Variants in RGS5 observed in about 807,000 individuals in gnomAD.
The protein encoded by RGS5 is regulator of G-protein signalling 5.
A neutral mutation model predicts 18.9 loss-of-function variants in RGS5; 20 were observed. The ratio of observed to expected loss-of-function variants is 1.06; its 90% CI spans 0.74 to 1.54. RGS5 has a LOEUF of 1.54. RGS5 is among the 40% of genes most tolerant of loss of function. The pLI is 0.00. For missense variants in RGS5, 201 were observed against 211.8 expected, an observed-to-expected ratio of 0.95 and a Z score of 0.32; for synonymous variants, 57 against 76.2, an observed-to-expected ratio of 0.75 and a Z score of 1.31.
At chr1:163,281,318 G>T (rs1395177883) in intron 2 of RGS5, among the ~76,000 whole-genome samples, 4 of 152,082 alleles carry the variant, frequency 2.6e-5, no homozygotes, top group Non-Finnish European at 5.9e-5. Flanking sequence ...AAGAAAAAAA[G>T]GTTTATTTTG....
At chr1:163,296,000 T>A (rs2101728785) in intron 2 of RGS5, among the ~76,000 whole-genome samples, 2 of 152,248 alleles carry the variant, frequency 1.3e-5, no homozygotes, top group Middle Eastern at 6.8e-3. Context: ...CAAGCTACAA[T>A]ATCTGATGAC....
At chr1:163,236,176 C>T (rs1647616803) in intron 2 of RGS5, among the ~76,000 whole-genome samples, 1 of 152,054 alleles carries the variant, frequency 6.6e-6, no homozygotes, top group African/African-American at 2.4e-5. Context: ...TTGCCTCTTT[C>T]GTCTCATATG....
chr1:163,286,483 C>T (rs891563220), intron 2 of RGS5, among the ~76,000 whole-genome samples: 6 of 151,930 alleles, frequency 3.9e-5, no homozygotes, highest in African/African-American at 1.4e-4. Flanking sequence ...ATTATTTTTT[C>T]CTATTTTATC....
intron 3 of RGS5, among the ~76,000 whole-genome samples, chr1:163,154,399 T>C (rs1267810456): frequency 6.6e-6 from 1 of 152,178 alleles, no homozygotes; most frequent in Non-Finnish European, 1.5e-5. Flanking sequence ...GATCGTTAAC[T>C]TGTGTTAGGG....
At chr1:163,235,410 G>T (rs1647596945) in intron 2 of RGS5, among the ~76,000 whole-genome samples, 1 of 152,176 alleles carries the variant, frequency 6.6e-6, no homozygotes, top group African/African-American at 2.4e-5. Flanking sequence ...AAAGGGGAAG[G>T]ACAAGAAAAT....
intron 1 of RGS5, among the ~76,000 whole-genome samples, chr1:163,186,228 G>T (rs571275638): frequency 2.0e-5 from 3 of 149,814 alleles, no homozygotes; most frequent in African/African-American, 7.6e-5. Flanking sequence ...CCACCACCAC[G>T]CCTGGCTAAT....
intron 2 of RGS5, among the ~76,000 whole-genome samples, chr1:163,297,256 C>A (rs941477666): frequency 2.0e-5 from 3 of 152,098 alleles, no homozygotes; most frequent in Non-Finnish European, 2.9e-5. Flanking sequence ...GGTGCTTGTG[C>A]TGTGTGCTGA....
chr1:163,200,027 T>C (rs569348386), intron 1 of RGS5, among the ~76,000 whole-genome samples: 1 of 152,246 alleles, frequency 6.6e-6, no homozygotes, highest in Admixed American at 6.5e-5. Context: ...CATCTCTTAG[T>C]AGTCATTGAG....
intron 2 of RGS5, among the ~76,000 whole-genome samples, chr1:163,278,069 G>C (rs1648901713): frequency 6.6e-6 from 1 of 151,734 alleles, no homozygotes; most frequent in South Asian, 2.1e-4. Flanking sequence ...AAAAAGAAGA[G>C]ATGGAAAAGG....
At chr1:163,242,866 A>T (rs1036184393) in intron 2 of RGS5, among the ~76,000 whole-genome samples, 4 of 152,226 alleles carry the variant, frequency 2.6e-5, no homozygotes, top group African/African-American at 9.6e-5. Flanking sequence ...TTTAAAATAA[A>T]GTTACTTCTG....
intron 2 of RGS5, among the ~76,000 whole-genome samples, chr1:163,233,783 G>A (rs947208569): frequency 2.0e-5 from 3 of 151,964 alleles, no homozygotes; most frequent in South Asian, 4.2e-4. Flanking sequence ...AGGGTGTATC[G>A]TACAAAGTAC....
chr1:163,252,923 A>T (rs370586341), intron 2 of RGS5, among the ~76,000 whole-genome samples: 1 of 152,160 alleles, frequency 6.6e-6, no homozygotes, highest in Non-Finnish European at 1.5e-5. Context: ...TGTAAAAATG[A>T]AGAATCTGTA....
chr1:163,200,676 C>T (rs552772582), intron 1 of RGS5, among the ~76,000 whole-genome samples: 29 of 152,252 alleles, frequency 1.9e-4, no homozygotes, highest in South Asian at 6.2e-4. Flanking sequence ...ACCCTATTTA[C>T]GATGAGAACA....
chr1:163,186,072 TC>T (rs1451609023), intron 1 of RGS5, among the ~76,000 whole-genome samples: 1 of 43,534 alleles, frequency 2.3e-5, no homozygotes, highest in Non-Finnish European at 5.2e-5. Context: ...AAAAAAAAGG[TC>T]TTTTTTTTTT....
At chr1:163,225,623 C>A (rs1301136677) in intron 2 of RGS5, among the ~76,000 whole-genome samples, 1 of 152,044 alleles carries the variant, frequency 6.6e-6, no homozygotes, top group African/African-American at 2.4e-5. Context: ...ACAGTCCTTG[C>A]AGGACTTATT....
intron 2 of RGS5, among the ~76,000 whole-genome samples, chr1:163,250,410 CA>C (rs1232444614): frequency 6.6e-6 from 1 of 152,086 alleles, no homozygotes; most frequent in East Asian, 1.9e-4. Flanking sequence ...GTTCCCACAG[CA>C]AAATTATGAG....
intron 2 of RGS5, among the ~76,000 whole-genome samples, chr1:163,229,781 A>T (rs898801239): frequency 6.6e-6 from 1 of 152,188 alleles, no homozygotes; most frequent in African/African-American, 2.4e-5. Context: ...ATTTCAACAC[A>T]TACACAATAC....
At chr1:163,258,618 A>G (rs1182661920) in intron 2 of RGS5, among the ~76,000 whole-genome samples, 1 of 151,990 alleles carries the variant, frequency 6.6e-6, no homozygotes, top group African/African-American at 2.4e-5. Context: ...CCTTGTCTTC[A>G]AGAGGAAAAT....
chr1:163,318,178 C>A (rs1650077206), intron 1 of RGS5, among the ~76,000 whole-genome samples: 1 of 152,054 alleles, frequency 6.6e-6, no homozygotes, highest in Non-Finnish European at 1.5e-5. Flanking sequence ...TGTAAAGCAG[C>A]CTCATGAATG....
Sources: allele counts gnomAD v4.1 joint callset (sites outside exome capture counted in the v4.1 genomes callset), GRCh38; gene constraint gnomAD v4.1.1; transcripts MANE v1.5; gene names NCBI Gene and HGNC (gene_info 2026-07-23, HGNC 2026-07-21).